TTC29: variants seen among roughly 807,000 people sequenced by gnomAD.
TTC29 encodes the protein tetratricopeptide repeat domain 29.
Under a neutral mutation model 58.1 loss-of-function variants are expected in TTC29, and 49 were observed. The ratio of observed to expected loss-of-function variants is 0.84; its 90% confidence interval spans 0.67 to 1.07. TTC29 has a LOEUF of 1.07. TTC29 is among the 50% of genes least tolerant of loss of function. TTC29 has a pLI of 0.00. For synonymous variants in TTC29, 209 were observed against 196.8 expected (o/e 1.06, Z -0.52); for missense variants, 582 against 555.6 (o/e 1.05, Z -0.48).
In TTC29 at chr4:146,851,809, T is replaced by C. The variant is rs116542106; in HGVS notation, c.885+15689A>G. On this transcript the variant is annotated intron_variant, in intron 8 of 12. Transcript: ENST00000325106. ...ATCATAACAAAGGAAGAATCCATGG[T>C]ATCCCATTATCTATAATAATGGAGG... Among the ~76,000 whole-genome samples, 156 of 152,310 alleles carry C rather than the reference T, an allele frequency of 1.0e-3. 2 individuals are homozygous for C. The highest frequency in any genetic ancestry group is 3.5e-3 in the African/African-American group (147 of 41,584).
intron 2 of TTC29, chr4:146,942,612 A>G: frequency 6.5e-7 from 1 of 1,533,652 alleles, no homozygotes; most frequent in South Asian, 1.2e-5. Context: ...ACTTTTCCAC[A>G]GAGTTCCAGA....
At chr4:146,914,803 A>G (rs961724095) in intron 4 of TTC29, among the ~76,000 whole-genome samples, 3 of 152,144 alleles carry the variant, frequency 2.0e-5, no homozygotes, top group Non-Finnish European at 4.4e-5. Flanking sequence ...AATTCACATC[A>G]ACATCTCCCT....
At chr4:146,801,715 G>T (rs957957980) in intron 11 of TTC29, among the ~76,000 whole-genome samples, 2 of 151,940 alleles carry the variant, frequency 1.3e-5, no homozygotes, top group Non-Finnish European at 1.5e-5. Flanking sequence ...AGTGGCTCAC[G>T]CCTGTAATCC....
intron 11 of TTC29, among the ~76,000 whole-genome samples, chr4:146,757,393 A>G (rs181799996): frequency 7.0e-4 from 106 of 152,208 alleles, no homozygotes; most frequent in Non-Finnish European, 1.1e-3. Flanking sequence ...TGAAATATCT[A>G]TGCGTCTCTC....
intron 8 of TTC29, among the ~76,000 whole-genome samples, chr4:146,851,186 G>C (rs1019747127): frequency 1.3e-5 from 2 of 152,174 alleles, no homozygotes; most frequent in African/African-American, 4.8e-5. Flanking sequence ...GCCAGACATA[G>C]GTCTAAGTGC....
At chr4:146,942,543 G>A (rs1167223502) in intron 2 of TTC29, 1 of 1,352,986 alleles carries the variant, frequency 7.4e-7, no homozygotes, top group Non-Finnish European at 1.0e-6. Context: ...GAGGTTTGAA[G>A]GGACACCAAA....
intron 11 of TTC29, among the ~76,000 whole-genome samples, chr4:146,754,953 T>A (rs1420860674): frequency 6.6e-6 from 1 of 151,624 alleles, no homozygotes; most frequent in Non-Finnish European, 1.5e-5. Context: ...AAAGAAAGAA[T>A]AAAAATGATC....
intron 8 of TTC29, among the ~76,000 whole-genome samples, chr4:146,840,355 A>G (rs779817549): frequency 1.3e-5 from 2 of 152,052 alleles, no homozygotes; most frequent in Non-Finnish European, 2.9e-5. Context: ...CACTTTCTTC[A>G]TAACGCCCAA....
At chr4:146,823,818 T>G (rs1752002315) in intron 9 of TTC29, among the ~76,000 whole-genome samples, 1 of 152,210 alleles carries the variant, frequency 6.6e-6, no homozygotes, top group South Asian at 2.1e-4. Context: ...GTCCTTCACA[T>G]CTCTTGTTAG....
intron 11 of TTC29, among the ~76,000 whole-genome samples, chr4:146,774,198 T>C (rs1747930615): frequency 6.6e-6 from 1 of 152,162 alleles, no homozygotes; most frequent in Admixed American, 6.6e-5. Flanking sequence ...TCATTGATCT[T>C]TTGCATGGTT....
intron 9 of TTC29, among the ~76,000 whole-genome samples, chr4:146,825,442 T>A (rs887486070): frequency 1.3e-5 from 2 of 152,240 alleles, no homozygotes; most frequent in African/African-American, 4.8e-5. Flanking sequence ...TGAATTCTAA[T>A]TTGATTGCAC....
At position 146,867,482 on chromosome 4, in the gene TTC29, T is replaced by A; in HGVS notation, c.885+16A>T. 7.4e-7 allele frequency: 1 copy of A among 1,354,054 alleles called. No individual in the cohort carries two copies. The highest frequency in any genetic ancestry group is 9.8e-7 in the Non-Finnish European group (1 of 1,016,888). 83.9% of individuals were successfully genotyped at this position (1,354,054 alleles called of 1,614,324 possible). On this transcript the variant is annotated intron_variant, in intron 8 of 12. Transcript: ENST00000325106. ...AATAAAAATTAAAAATGGCAGTGAT[T>A]AAAAGTTTAGCTTACTGTTAATGCT...
intron 6 of TTC29, among the ~76,000 whole-genome samples, chr4:146,895,564 T>C (rs1203818380): frequency 1.3e-5 from 2 of 152,144 alleles, no homozygotes; most frequent in Non-Finnish European, 2.9e-5. Flanking sequence ...CTTTGAACTC[T>C]ATGAGGAAGC....
chr4:146,924,134 G>A (rs901128673), intron 4 of TTC29, among the ~76,000 whole-genome samples: 80 of 151,650 alleles, frequency 5.3e-4, no homozygotes, highest in Non-Finnish European at 1.5e-5. Context: ...TTACTTTTCT[G>A]CACTTAAGAA....
intron 6 of TTC29, among the ~76,000 whole-genome samples, chr4:146,896,592 A>T (rs1172912438): frequency 6.6e-6 from 1 of 152,216 alleles, no homozygotes; most frequent in Admixed American, 6.5e-5. Context: ...AGGGTGTGTG[A>T]GGAACAAGAA....
intron 9 of TTC29, among the ~76,000 whole-genome samples, chr4:146,821,994 T>TG (rs1420267762): frequency 2.8e-5 from 4 of 144,778 alleles, no homozygotes; most frequent in South Asian, 2.3e-4. Context: ...TGTTTTTTTT[T>TG]TTTTTTTTTT....
chr4:146,844,625 C>A (rs1729053061), intron 8 of TTC29, among the ~76,000 whole-genome samples: 1 of 152,084 alleles, frequency 6.6e-6, no homozygotes, highest in Non-Finnish European at 1.5e-5. Flanking sequence ...ATGCAATCCA[C>A]CCGCCTTGGC....
At chr4:146,777,176 G>A (rs537297252) in intron 11 of TTC29, among the ~76,000 whole-genome samples, 9 of 152,314 alleles carry the variant, frequency 5.9e-5, no homozygotes, top group African/African-American at 2.2e-4. Context: ...ATGGCTCTCT[G>A]AGGCGGAAGA....
intron 6 of TTC29, among the ~76,000 whole-genome samples, chr4:146,886,124 A>G (rs1731965368): frequency 6.6e-6 from 1 of 152,154 alleles, no homozygotes; most frequent in Admixed American, 6.6e-5. Flanking sequence ...ATATCTGAAT[A>G]CTGATGCTGT....
Sources: allele counts gnomAD v4.1 joint callset (sites outside exome capture counted in the v4.1 genomes callset), GRCh38; gene constraint gnomAD v4.1.1; transcripts MANE v1.5; gene names NCBI Gene and HGNC (gene_info 2026-07-23, HGNC 2026-07-21).